PRCC: variants seen among roughly 807,000 people sequenced by gnomAD.
PRCC encodes the protein proline rich mitotic checkpoint control factor.
In PRCC, 10 loss-of-function variants were observed where a neutral mutation model predicts 44.0. The observed-to-expected ratio is 0.23, with a 90% CI of 0.14 to 0.39. PRCC has a LOEUF of 0.39. Among genes scored for constraint, PRCC ranks in the 10% least tolerant of loss-of-function variants. The pLI is 1.00. For missense variants in PRCC, 573 were observed against 624.7 expected (o/e 0.92, Z 0.88); for synonymous variants, 278 against 259.5 (o/e 1.07, Z -0.69).
intron 1 of PRCC, among the ~76,000 whole-genome samples, chr1:156,779,124 A>ATT (rs1651943384): frequency 1.2e-4 from 3 of 25,186 alleles, no homozygotes; most frequent in African/African-American, 4.8e-4. Context: ...ATATATATAT[A>ATT]TATATTTTTT....
rs568062315 is a variant in PRCC at position 156,773,137 on chromosome 1, T to C, written c.468+4898T>C. On this transcript the variant is annotated intron_variant, in intron 1 of 6. Transcript: ENST00000271526. Reference sequence around the variant, plus strand: ...TAGCAAATGGGGATAACAGTAGTAATGATTAGGGTTTGGAGCCCCGGGGTG... The same window carrying C: ...TAGCAAATGGGGATAACAGTAGTAACGATTAGGGTTTGGAGCCCCGGGGTG... 1.2e-3 allele frequency among the ~76,000 whole-genome samples: 179 copies of C among 152,118 alleles called. 1 individual carries two copies. Among genetic ancestry groups the C allele is most frequent in the African/African-American group, 4.1e-3 (169 of 41,490 alleles).
chr1:156,791,743 TC>T lies in PRCC; in HGVS notation c.1138del (p.Gln380ArgfsTer47). Reference protein sequence around the residue: ...GYYPAQDPALVPPQEIAPDAS... With the variant: ...GYYPAQDPALXPPQEIAPDAS... ...TATCCTGCACAGGACCCGGCCCTGG[TC>T]CCCCCCCAGGAAATTGCCCCAGATG... On this transcript the variant is annotated frameshift_variant, in exon 4 of 7. Coordinates refer to ENST00000271526, the MANE Select transcript of PRCC (RefSeq NM_005973.5). LOFTEE classifies it high-confidence loss of function. 6.2e-7 allele frequency: 1 copy of T among 1,612,224 alleles called. No individual in the cohort carries two copies. Among genetic ancestry groups the T allele is most frequent in the Non-Finnish European group, 8.5e-7 (1 of 1,179,294 alleles).
chr1:156,782,005 G>T (rs1387416480), intron 1 of PRCC, among the ~76,000 whole-genome samples: 3 of 152,186 alleles, frequency 2.0e-5, no homozygotes, highest in Non-Finnish European at 4.4e-5. Flanking sequence ...TAACAGAAAA[G>T]AAATTGATGC....
chr1:156,791,761 C>T lies in PRCC; in HGVS notation c.1148C>T (p.Ala383Val). The change falls in exon 4 of 7, where the codon GCC becomes GTC. Residue 383 changes from alanine to valine, a missense_variant. By Grantham distance (64) the Ala-to-Val change is moderately conservative. Transcript: ENST00000271526. ...DPALVPPQEI[A>V]PDASFIDDEA... ...GCCCTGGTCCCCCCCCAGGAAATTG[C>T]CCCAGATGCCTCCTTCATCGATGAC... 6.2e-7 allele frequency: 1 copy of T among 1,613,810 alleles called. No homozygotes were observed. Among genetic ancestry groups the T allele is most frequent in the Non-Finnish European group, 8.5e-7 (1 of 1,179,926 alleles).
chr1:156,791,095 C>T (rs11264554), intron 3 of PRCC: 8 of 1,412,328 alleles, frequency 5.7e-6, no homozygotes, highest in Middle Eastern at 2.0e-4. Flanking sequence ...GGCCACTCGC[C>T]TCTAAGGGGA....
chr1:156,798,452 T>G (rs1413322637), intron 6 of PRCC, among the ~76,000 whole-genome samples: 1 of 152,188 alleles, frequency 6.6e-6, no homozygotes, highest in Non-Finnish European at 1.5e-5. Context: ...CAGACCCCAG[T>G]CTACGGAACG....
At chr1:156,791,207 T>C in intron 3 of PRCC, 2 of 1,282,812 alleles carry the variant, frequency 1.6e-6, no homozygotes, top group Non-Finnish European at 2.1e-6. Context: ...AAATCAGAGA[T>C]CTATAACCTC....
chr1:156,788,931 G>A (rs1652377221), intron 3 of PRCC, among the ~76,000 whole-genome samples: 1 of 151,430 alleles, frequency 6.6e-6, no homozygotes, highest in Non-Finnish European at 1.5e-5. Flanking sequence ...CTCCCAAAGT[G>A]CTGGGGTTAC....
chr1:156,788,292 C>T (rs2102767250), intron 3 of PRCC, among the ~76,000 whole-genome samples: 1 of 152,310 alleles, frequency 6.6e-6, no homozygotes, highest in East Asian at 1.9e-4. Context: ...TGCTTAATGG[C>T]TTCCAGCTCC....
At chr1:156,790,837 C>CT (rs756915424) in intron 3 of PRCC, among the ~76,000 whole-genome samples, 3 of 152,142 alleles carry the variant, frequency 2.0e-5, no homozygotes, top group Admixed American at 1.3e-4. Flanking sequence ...AATCCATACT[C>CT]TAATTGCTCT....
intron 3 of PRCC, among the ~76,000 whole-genome samples, chr1:156,788,032 C>T (rs1197324067): frequency 2.0e-5 from 3 of 152,116 alleles, no homozygotes; most frequent in African/African-American, 7.2e-5. Context: ...GACGGGGTTT[C>T]ACTGTGTTGG....
intron 1 of PRCC, among the ~76,000 whole-genome samples, chr1:156,776,626 A>G (rs1249239774): frequency 1.3e-5 from 2 of 152,248 alleles, no homozygotes; most frequent in Non-Finnish European, 2.9e-5. Flanking sequence ...ACAGTCTTAC[A>G]GTAGCCACTT....
chr1:156,779,588 C>T (rs1191605932), intron 1 of PRCC, among the ~76,000 whole-genome samples: 1 of 151,952 alleles, frequency 6.6e-6, no homozygotes, highest in Admixed American at 6.6e-5. Context: ...AGGCTGGTCT[C>T]GAACTCCTGA....
Position 156,787,070 on chromosome 1 carries a change from G to A in PRCC, c.979G>A (p.Ala327Thr), listed in dbSNP as rs1292605490. The A allele has an allele frequency of 1.2e-6, 2 of 1,614,184 alleles. No individual in the cohort carries two copies. Among genetic ancestry groups the A allele is most frequent in the Admixed American group, 1.7e-5 (1 of 60,018 alleles). Residue 327 changes from alanine (A) to threonine (T), a missense_variant, in exon 3 of 7, where the codon GCA becomes ACA. Transcript: ENST00000271526. ...TGCCCCCCTTGAATTCAAGATGGCA[G>A]CAGGTTCAAGTGGGGCCCCTTGGAT... The part of the protein sequence containing the change: ...ANAPLEFKMA[A>T]GSSGAPWMPK...
chr1:156,787,622 C>CATAGCACCTGATAGGT (rs1553253321), intron 3 of PRCC, among the ~76,000 whole-genome samples: 11 of 129,538 alleles, frequency 8.5e-5, no homozygotes, highest in African/African-American at 1.2e-4. Flanking sequence ...AGGTGATGAG[C>CATAGCACCTGATAGGT]ATAGTACCTG....
intron 1 of PRCC, among the ~76,000 whole-genome samples, chr1:156,778,650 A>G: frequency 7.2e-6 from 1 of 139,002 alleles, no homozygotes; most frequent in Non-Finnish European, 1.5e-5. Context: ...TGGCATAATC[A>G]CAGCTCACTG....
In PRCC at chr1:156,787,066, G is replaced by C. The variant is rs1652277594; in HGVS notation, c.975G>C (p.Met325Ile). The C allele has an allele frequency of 1.9e-6, 3 of 1,614,062 alleles. No individual in the cohort carries two copies. Among genetic ancestry groups the C allele is most frequent in the Non-Finnish European group, 2.5e-6 (3 of 1,180,036 alleles). ...DAANAPLEFK[M>I]AAGSSGAPWM... ...CCAATGCCCCCCTTGAATTCAAGAT[G>C]GCAGCAGGTTCAAGTGGGGCCCCTT... Residue 325 changes from methionine (M) to isoleucine (I), a missense_variant, in exon 3 of 7, where the codon ATG becomes ATC. By Grantham distance (10) the Met-to-Ile change is conservative. Around this residue, in one of 4 missense-constraint regions of PRCC, gnomAD observed 141 missense variants for 130.2 expected, o/e 1.08. Transcript: ENST00000271526.
intron 1 of PRCC, among the ~76,000 whole-genome samples, chr1:156,780,447 ATTATTTTTAT>A (rs1652015243): frequency 2.0e-5 from 3 of 148,790 alleles, no homozygotes; most frequent in African/African-American, 7.4e-5. Flanking sequence ...TTTAAATTTT[ATTATTTTTAT>A]TTATTTTTAG....
chr1:156,771,079 T>C (rs11264544), intron 1 of PRCC, among the ~76,000 whole-genome samples: 2 of 151,722 alleles, frequency 1.3e-5, no homozygotes, highest in African/African-American at 4.8e-5. Context: ...GGGAGCCCTC[T>C]GGGGGGAGAT....
Sources: allele counts gnomAD v4.1 joint callset (sites outside exome capture counted in the v4.1 genomes callset), GRCh38; gene constraint gnomAD v4.1.1; regional missense constraint gnomAD v4.1.1; transcripts MANE v1.5; gene names NCBI Gene and HGNC (gene_info 2026-07-23, HGNC 2026-07-21).